The following MACC1 variants were observed in gnomAD, a reference collection of about 807,000 sequenced individuals.
The protein encoded by MACC1 is MET transcriptional regulator MACC1, also known as metastasis-associated in colon cancer protein 1.
MACC1 carries 79 observed loss-of-function variants against 70.7 expected under a neutral mutation model. That is an observed-to-expected ratio of 1.12 (90% CI 0.93 to 1.35). The LOEUF is 1.35. Among genes scored for constraint, MACC1 ranks in the 40% most tolerant of loss-of-function variants. MACC1 has a pLI of 0.00. For synonymous variants in MACC1, 361 were observed against 347.2 expected (o/e 1.04, Z -0.44); for missense variants, 1,106 against 978.1 (o/e 1.13, Z -1.74).
At chr7:20,216,574 T>A (rs147162893) in intron 1 of MACC1, among the ~76,000 whole-genome samples, 1 of 152,278 alleles carries the variant, frequency 6.6e-6, no homozygotes, top group East Asian at 1.9e-4. Flanking sequence ...CTACTCCAGA[T>A]ACCTCAGGTA....
At chr7:20,164,082 G>A (rs967196806) in intron 3 of MACC1, among the ~76,000 whole-genome samples, 174 bp downstream of exon 3, 9 of 152,034 alleles carry the variant, frequency 5.9e-5, no homozygotes, top group Middle Eastern at 3.2e-3. Context: ...GATTACAGGC[G>A]CCCACCACCA....
At chr7:20,167,595 A>G (rs1782239508) in intron 2 of MACC1, among the ~76,000 whole-genome samples, 1 of 151,328 alleles carries the variant, frequency 6.6e-6, no homozygotes. Context: ...TTTGAACTTA[A>G]GGATACTAGA....
At position 20,136,681 on chromosome 7, in the gene MACC1, A is replaced by G. The variant is rs957124571; in HGVS notation, c.*4265T>C. Reference sequence around the variant, plus strand: ...AAAAATGTCTTTGGATTATCCCACCAATCATATTGATGTTCTTTAGAACTT... The same window carrying G: ...AAAAATGTCTTTGGATTATCCCACCGATCATATTGATGTTCTTTAGAACTT... On this transcript the variant is annotated 3_prime_UTR_variant, in exon 7 of 7. Coordinates refer to ENST00000400331, the MANE Select transcript of MACC1 (RefSeq NM_182762.4). 2.0e-5 allele frequency: 3 copies of G among 152,032 alleles called. No homozygotes were observed. Among genetic ancestry groups the G allele is most frequent in the South Asian group, 2.1e-4 (1 of 4,826 alleles). The allele number at this position is 152,032 out of a possible 1,614,324, so 9.4% of individuals were successfully genotyped here.
At chr7:20,176,562 C>A (rs1782396119) in intron 1 of MACC1, among the ~76,000 whole-genome samples, 1 of 152,096 alleles carries the variant, frequency 6.6e-6, no homozygotes, top group Non-Finnish European at 1.5e-5. Flanking sequence ...ATGTGCCCAG[C>A]AATCACCCTG....
chr7:20,158,173 C>T, intron 5 of MACC1, 31 bp downstream of exon 5: 5 of 1,526,274 alleles, frequency 3.3e-6, no homozygotes, highest in Non-Finnish European at 3.5e-6. Flanking sequence ...TTCTCGATGG[C>T]AATTCATTAC....
intron 1 of MACC1, among the ~76,000 whole-genome samples, chr7:20,176,099 A>G (rs73683402): frequency 0.034 from 5,191 of 152,172 alleles, 299 homozygotes; most frequent in African/African-American, 0.12. Context: ...AGTGATTTGT[A>G]AACTGTAAAA....
At chr7:20,154,648 A>G (rs1035844540) in intron 5 of MACC1, among the ~76,000 whole-genome samples, 3 of 152,168 alleles carry the variant, frequency 2.0e-5, no homozygotes, top group South Asian at 2.1e-4. Flanking sequence ...CACTTAACTA[A>G]TATGTGTCTT....
intron 6 of MACC1, chr7:20,153,346 C>T (rs1782008704): frequency 6.6e-6 from 1 of 152,162 alleles, no homozygotes; most frequent in African/African-American, 2.4e-5. Flanking sequence ...CAGATCTACG[C>T]CAAAAACAAA....
Position 20,142,610 on chromosome 7 carries a change from A to T in MACC1, c.2347-1452T>A, listed in dbSNP as rs533803599. On this transcript the variant is annotated intron_variant, in intron 6 of 6. Coordinates refer to ENST00000400331, the MANE Select transcript of MACC1 (RefSeq NM_182762.4). Reference sequence around the variant, plus strand: ...CTATATTTCTGAAGATTTACATTGAAATCAAACTTCTCAAAGTACAATTGC... The same window carrying T: ...CTATATTTCTGAAGATTTACATTGATATCAAACTTCTCAAAGTACAATTGC... Among the ~76,000 whole-genome samples the T allele has an allele frequency of 1.5e-4, 23 of 152,346 alleles. No homozygotes were observed. The South Asian group carries it at 4.6e-3, about 30-fold the overall frequency.
At chr7:20,217,024 G>A (rs1206712319) in intron 1 of MACC1, among the ~76,000 whole-genome samples, 1 of 152,102 alleles carries the variant, frequency 6.6e-6, no homozygotes, top group Non-Finnish European at 1.5e-5. Flanking sequence ...TTTTGCCTTT[G>A]ATGGTTAATG....
At chr7:20,186,918 ATAACT>A (rs1284221492) in intron 1 of MACC1, among the ~76,000 whole-genome samples, 2 of 152,206 alleles carry the variant, frequency 1.3e-5, no homozygotes, top group Non-Finnish European at 1.5e-5. Flanking sequence ...GTAAGAAGAA[ATAACT>A]TAAGACATGG....
At chr7:20,164,121 G>C (rs1210406829) in intron 3 of MACC1, 135 bp downstream of exon 3, 1 of 152,196 alleles carries the variant, frequency 6.6e-6, no homozygotes, top group Non-Finnish European at 1.5e-5. Flanking sequence ...ATTTTTAGTA[G>C]AGACAGGGTT....
intron 1 of MACC1, among the ~76,000 whole-genome samples, chr7:20,212,866 G>C (rs1339723632): frequency 2.0e-5 from 3 of 152,080 alleles, no homozygotes; most frequent in Admixed American, 6.5e-5. Context: ...TTCTGGCCCA[G>C]GGAGTTTTCA....
intron 1 of MACC1, among the ~76,000 whole-genome samples, chr7:20,212,965 C>A (rs946533804): frequency 1.3e-5 from 2 of 152,140 alleles, no homozygotes; most frequent in Non-Finnish European, 2.9e-5. Context: ...AGATCAGGGA[C>A]TGGCTTAAAG....
At chr7:20,183,477 T>C (rs1387762391) in intron 1 of MACC1, among the ~76,000 whole-genome samples, 1 of 152,230 alleles carries the variant, frequency 6.6e-6, no homozygotes, top group Admixed American at 6.5e-5. Flanking sequence ...AGCTTCATTG[T>C]ACCAGACTTC....
chr7:20,167,356 C>T (rs1419106227), intron 2 of MACC1, among the ~76,000 whole-genome samples: 1 of 151,728 alleles, frequency 6.6e-6, no homozygotes, highest in Admixed American at 6.6e-5. Context: ...CCACCACGCC[C>T]AGCTAATTTT....
intron 1 of MACC1, among the ~76,000 whole-genome samples, chr7:20,174,918 G>A (rs1473195544): frequency 6.6e-6 from 1 of 151,980 alleles, no homozygotes; most frequent in African/African-American, 2.4e-5. Context: ...GTTTTCTGTT[G>A]ATGAACTTGA....
At chr7:20,187,022 C>T (rs575474642) in intron 1 of MACC1, among the ~76,000 whole-genome samples, 5 of 152,170 alleles carry the variant, frequency 3.3e-5, no homozygotes, top group African/African-American at 1.2e-4. Flanking sequence ...AAGGAAGTCC[C>T]TAACTTACAA....
chr7:20,142,554 C>G (rs1415010464), intron 6 of MACC1, among the ~76,000 whole-genome samples: 6 of 152,140 alleles, frequency 3.9e-5, no homozygotes, highest in Admixed American at 3.9e-4. Context: ...TCTTCTATGT[C>G]TGATGGAATG....
Sources: gnomAD v4.1 joint callset for allele counts (sites outside exome capture counted in the v4.1 genomes callset) on GRCh38, gnomAD v4.1.1 for gene constraint, MANE v1.5 for transcripts, NCBI Gene and HGNC (gene_info 2026-07-23, HGNC 2026-07-21) for gene names.